The following SLC25A30 variants were observed in gnomAD, a reference collection of about 807,000 sequenced individuals.
The protein encoded by SLC25A30 is kidney mitochondrial carrier protein 1.
Under a neutral mutation model 42.7 loss-of-function variants are expected in SLC25A30, and 29 were observed. That is an observed-to-expected ratio of 0.68 (90% CI 0.51 to 0.93). SLC25A30 has a LOEUF of 0.93. SLC25A30 is among the 40% of genes least tolerant of loss of function. The pLI, the probability that SLC25A30 is intolerant of heterozygous loss-of-function variation, is 0.00. For synonymous variants in SLC25A30, 124 were observed against 131.0 expected (o/e 0.95, Z 0.37); for missense variants, 300 against 359.7 (o/e 0.83, Z 1.34).
At chr13:45,426,295 T>A in the SLC25A30 span, among the ~76,000 whole-genome samples, 1 of 151,572 alleles carries the variant, frequency 6.6e-6, no homozygotes. Flanking sequence ...CCATGTTGGC[T>A]AGGATGGTCT....
the SLC25A30 span, among the ~76,000 whole-genome samples, chr13:45,423,623 TATATATAAATATATATAAAATAC>T: frequency 4.7e-5 from 5 of 105,518 alleles, no homozygotes; most frequent in African/African-American, 1.9e-4. Context: ...ATAAAATATA[TATATATAAATATATATAAAATAC>T]ATATTTATAT....
At chr13:45,396,318 G>T in intron 9 of SLC25A30, 1 of 1,245,834 alleles carries the variant, frequency 8.0e-7, no homozygotes, top group Non-Finnish European at 1.0e-6. Flanking sequence ...AGCACTGTAA[G>T]CTTTTGAGAG....
At position 45,413,558 on chromosome 13, in the gene SLC25A30, T is replaced by TC. The variant is rs1338183615; in HGVS notation, c.-55-2079_-55-2078insG. Among the ~76,000 whole-genome samples the TC allele has an allele frequency of 2.0e-5, 3 of 150,294 alleles. No homozygotes were observed. The East Asian group carries it at 5.8e-4, about 29-fold the overall frequency. On this transcript the variant is annotated intron_variant, in intron 1 of 9. Coordinates refer to ENST00000519676, the MANE Select transcript of SLC25A30 (RefSeq NM_001010875.4). Reference sequence around the variant, plus strand: ...CCAACAGAGTCAGACTCCATCTCTTTTTTTTTTTTTTTTGAGACAAAGTCC... The same window carrying TC: ...CCAACAGAGTCAGACTCCATCTCTTTCTTTTTTTTTTTTTGAGACAAAGTCC...
chr13:45,397,125 G>C, intron 9 of SLC25A30, 133 bp downstream of exon 9: 1 of 674,190 alleles, frequency 1.5e-6, no homozygotes, highest in Non-Finnish European at 2.5e-6. Flanking sequence ...ACTAAGTAGT[G>C]ACTTCTTAGC....
chr13:45,413,022 ACT>A (rs1883163120), intron 1 of SLC25A30, among the ~76,000 whole-genome samples: 2 of 152,216 alleles, frequency 1.3e-5, no homozygotes, highest in African/African-American at 4.8e-5. Flanking sequence ...CCAGGAGAGG[ACT>A]ACCACAAGTC....
At chr13:45,424,888 AT>A in the SLC25A30 span, among the ~76,000 whole-genome samples, 1 of 60,266 alleles carries the variant, frequency 1.7e-5, no homozygotes, top group Non-Finnish European at 2.9e-5. Context: ...ATATAAATAT[AT>A]ATTTAAATAT....
chr13:45,400,993 T>G (rs1292325692), intron 7 of SLC25A30, 90 bp downstream of exon 7: 11 of 1,205,632 alleles, frequency 9.1e-6, no homozygotes, highest in Non-Finnish European at 1.1e-6. Flanking sequence ...CACTTCTGCA[T>G]TGCAACTTTT....
In SLC25A30 at chr13:45,398,646, A is replaced by C. The variant is rs1593598956; in HGVS notation, c.753+294T>G. ...TTTAACAGAGATGTCTGAATGAGGG[A>C]TATTCATACTAGTTTGACCCAACAG... On this transcript the variant is annotated intron_variant, in intron 8 of 9. Transcript: ENST00000519676. 8 of 231,114 alleles carry C rather than the reference A, an allele frequency of 3.5e-5. No individual in the cohort carries two copies. In the South Asian group the frequency reaches 5.9e-4, roughly 17 times the overall value. 14.3% of individuals were successfully genotyped at this position (231,114 alleles called of 1,614,324 possible). A position where few individuals can be genotyped will look rare whatever the true frequency, so the allele number is the denominator to read the frequency against.
chr13:45,426,677 A>G, the SLC25A30 span, among the ~76,000 whole-genome samples: 6 of 152,268 alleles, frequency 3.9e-5, no homozygotes, highest in African/African-American at 1.4e-4. Context: ...TGAGACCTTC[A>G]GGAAGACCTC....
At chr13:45,424,222 A>C in the SLC25A30 span, among the ~76,000 whole-genome samples, 5 of 81,678 alleles carry the variant, frequency 6.1e-5, 1 homozygote, top group East Asian at 1.1e-3. Flanking sequence ...TAAATATATA[A>C]ATATATGTAA....
intron 4 of SLC25A30, 23 bp downstream of exon 4, chr13:45,405,860 T>C (rs1882449811): frequency 6.2e-7 from 1 of 1,611,526 alleles, no homozygotes; most frequent in Non-Finnish European, 8.5e-7. Context: ...CTGTCCACAG[T>C]GGAAAACAGA....
At chr13:45,397,193 A>G in intron 9 of SLC25A30, 65 bp downstream of exon 9, 2 of 1,056,026 alleles carry the variant, frequency 1.9e-6, no homozygotes, top group East Asian at 2.4e-5. Flanking sequence ...ATAACATGAG[A>G]GTTTATACAA....
At chr13:45,414,891 C>T (rs1299860755) in intron 1 of SLC25A30, among the ~76,000 whole-genome samples, 1 of 152,152 alleles carries the variant, frequency 6.6e-6, no homozygotes, top group Non-Finnish European at 1.5e-5. Flanking sequence ...ACTGGATCTA[C>T]AGAAGTCCCA....
At chr13:45,423,643 A>G in the SLC25A30 span, among the ~76,000 whole-genome samples, 2 of 32,562 alleles carry the variant, frequency 6.1e-5, no homozygotes, top group South Asian at 1.0e-3. Context: ...TATATATAAA[A>G]TACATATTTA....
intron 1 of SLC25A30, among the ~76,000 whole-genome samples, chr13:45,416,174 G>A (rs1443263229): frequency 3.3e-5 from 5 of 151,880 alleles, no homozygotes; most frequent in Admixed American, 6.6e-5. Flanking sequence ...TTGGGAGGCC[G>A]AGGCGGGTGG....
the SLC25A30 span, among the ~76,000 whole-genome samples, chr13:45,425,551 A>AAGTATATATATAAATATATATAT: frequency 1.6e-5 from 1 of 62,850 alleles, no homozygotes; most frequent in African/African-American, 6.3e-5. Context: ...TATATATATA[A>AAGTATATATATAAATATATATAT]GTATATATAT....
chr13:45,423,950 T>C, the SLC25A30 span, among the ~76,000 whole-genome samples: 1 of 82,368 alleles, frequency 1.2e-5, no homozygotes, highest in Non-Finnish European at 2.1e-5. Context: ...TATAAAAAAA[T>C]ATATGAATAT....
In SLC25A30 at chr13:45,404,350, C is replaced by A; in HGVS notation, c.370G>T (p.Ala124Ser). Reference protein sequence around the residue: ...ILSGVISSTIANPTDVLKIRM... With the variant: ...ILSGVISSTISNPTDVLKIRM... ...ACTTTCAAAACATCAGTTGGATTAGCAATGGTTGAAGATATGACTCCAGAC... is the reference window on the plus strand; with the variant it reads ...ACTTTCAAAACATCAGTTGGATTAGAAATGGTTGAAGATATGACTCCAGAC... Residue 124 changes from alanine (A) to serine (S), a missense_variant, in exon 5 of 10, where the codon GCT becomes TCT. Ala to Ser is a moderately conservative substitution (Grantham distance 99). Transcript: ENST00000519676. 1 of 1,613,176 alleles carries A rather than the reference C, an allele frequency of 6.2e-7. No homozygotes were observed. The highest frequency in any genetic ancestry group is 8.5e-7 in the Non-Finnish European group (1 of 1,179,238).
chr13:45,424,312 T>A, the SLC25A30 span, among the ~76,000 whole-genome samples: 1 of 29,540 alleles, frequency 3.4e-5, no homozygotes, highest in Non-Finnish European at 7.3e-5. Flanking sequence ...TATAAAAATA[T>A]ATATAAATAT....
Sources: gnomAD v4.1 joint callset for allele counts (sites outside exome capture counted in the v4.1 genomes callset) on GRCh38, gnomAD v4.1.1 for gene constraint, MANE v1.5 for transcripts, NCBI Gene and HGNC (gene_info 2026-07-23, HGNC 2026-07-21) for gene names.